The following IRAK4 variants were observed in gnomAD, a reference collection of about 807,000 sequenced individuals.
The protein encoded by IRAK4 is interleukin-1 receptor-associated kinase 4.
Under a neutral mutation model 51.8 loss-of-function variants are expected in IRAK4, and 44 were observed. The ratio of observed to expected loss-of-function variants is 0.85; its 90% CI spans 0.67 to 1.09. The LOEUF (loss-of-function observed/expected upper bound fraction) is 1.09. IRAK4 is among the 50% of genes least tolerant of loss of function. The probability of loss-of-function intolerance (pLI) is 0.00; values close to 1 mark genes in which losing one functional copy is unlikely to be tolerated. For missense variants in IRAK4, 487 were observed against 538.0 expected (o/e 0.91, Z 0.94); for synonymous variants, 149 against 174.1 (o/e 0.86, Z 1.13).
Position 43,763,940 on chromosome 12 carries a change from GT to G in IRAK4, c.-9-4156del, listed in dbSNP as rs1404488916. Among the ~76,000 whole-genome samples the G allele has an allele frequency of 3.3e-5, 5 of 151,870 alleles. No individual in the cohort carries two copies. In the East Asian group the frequency reaches 7.7e-4, roughly 23 times the overall value. The stretch of plus-strand genomic sequence containing the variant: ...AAGTCTCTGGTATGCTACCATCCTG[GT>G]TTTTTTCTTGCCTTCATGACTAAGC... On this transcript the variant is annotated intron_variant, in intron 1 of 11. Transcript: ENST00000613694.
chr12:43,763,727 CCT>C (rs4251438), intron 1 of IRAK4, among the ~76,000 whole-genome samples: 1,723 of 149,806 alleles, frequency 0.012, 36 homozygotes, highest in African/African-American at 0.039. Context: ...CCCTCATACT[CCT>C]CTCTCTCTCT....
intron 2 of IRAK4, among the ~76,000 whole-genome samples, chr12:43,770,113 G>A (rs1420545514): frequency 6.6e-6 from 1 of 152,004 alleles, no homozygotes; most frequent in Non-Finnish European, 1.5e-5. Flanking sequence ...AATCTTTAGA[G>A]GAAAAACAGA....
chr12:43,785,389 C>A (rs993701447), intron 10 of IRAK4, among the ~76,000 whole-genome samples: 1 of 151,540 alleles, frequency 6.6e-6, no homozygotes, highest in Admixed American at 6.6e-5. Context: ...ACCTTAGTAC[C>A]CATAGAGAAA....
At chr12:43,782,573 T>TAAGAGAGATA in intron 9 of IRAK4, 83 bp downstream of exon 9, 2 of 1,097,592 alleles carry the variant, frequency 1.8e-6, no homozygotes, top group Non-Finnish European at 2.7e-6. Flanking sequence ...AATACACCCA[T>TAAGAGAGATA]CTTGTTTATC....
rs1942307254 is a variant in IRAK4, at chr12:43,787,746, A to G, written c.*1031A>G. ...CTGTTCTGTGCTGGACTTCTAATAT[A>G]TAGAACTGTGAGATAATGGGTCACA... On this transcript the variant is annotated 3_prime_UTR_variant, in exon 12 of 12. Transcript: ENST00000613694. 6.6e-6 allele frequency: 1 copy of G among 152,220 alleles called. No homozygotes were observed. Among genetic ancestry groups the G allele is most frequent in the Non-Finnish European group, 1.5e-5 (1 of 68,088 alleles). 9.4% of individuals were successfully genotyped at this position (152,220 alleles called of 1,614,324 possible). A position where few individuals can be genotyped will look rare whatever the true frequency, so the allele number is the denominator to read the frequency against.
At chr12:43,782,600 A>G (rs1439291647) in intron 9 of IRAK4, 110 bp downstream of exon 9, 31 of 956,866 alleles carry the variant, frequency 3.2e-5, no homozygotes, top group African/African-American at 6.6e-5. Flanking sequence ...ATGTAACAAT[A>G]TAAGTTTTTC....
At chr12:43,770,547 C>T (rs527367999) in intron 2 of IRAK4, among the ~76,000 whole-genome samples, 1 of 152,262 alleles carries the variant, frequency 6.6e-6, no homozygotes, top group East Asian at 1.9e-4. Context: ...TGTGTGCATC[C>T]TATAACCCAC....
At chr12:43,768,382 A>G (rs749386017) in intron 2 of IRAK4, 110 bp downstream of exon 2, 53 of 766,464 alleles carry the variant, frequency 6.9e-5, no homozygotes, top group Non-Finnish European at 7.2e-5. Context: ...CCTCTCCACT[A>G]TGGAGGAGAC....
At position 43,771,300 on chromosome 12, in the gene IRAK4, T is replaced by C. The variant is rs997426295; in HGVS notation, c.242T>C (p.Val81Ala). The change falls in exon 3 of 12, where the codon GTT (valine) becomes GCT (alanine). Residue 81 changes from valine (V) to alanine (A), a missense_variant. Coordinates refer to ENST00000613694, the MANE Select transcript of IRAK4 (RefSeq NM_016123.4). ...LFDWGTTNCTVGDLVDLLIQN... is the reference protein window; with the variant it reads ...LFDWGTTNCTAGDLVDLLIQN... Reference sequence around the variant, plus strand: ...GACTGGGGCACCACAAATTGCACAGTTGGTGATCTTGTGGATCTTTTGATC... The same window carrying C: ...GACTGGGGCACCACAAATTGCACAGCTGGTGATCTTGTGGATCTTTTGATC... The C allele has an allele frequency of 6.2e-7, 1 of 1,613,990 alleles. No homozygotes were observed. The highest frequency in any genetic ancestry group is 8.5e-7 in the Non-Finnish European group (1 of 1,179,898).
intron 5 of IRAK4, among the ~76,000 whole-genome samples, chr12:43,773,639 GT>G (rs376099504): frequency 2.7e-5 from 4 of 150,136 alleles, no homozygotes; most frequent in Non-Finnish European, 3.0e-5. Context: ...CTTTTGTAGG[GT>G]TTTTTTTTCC....
chr12:43,777,576 T>C (rs1001659432), intron 6 of IRAK4, 54 bp from the exon 7 acceptor site: 38 of 1,499,772 alleles, frequency 2.5e-5, no homozygotes, highest in Non-Finnish European at 3.1e-5. Context: ...TTCCAACCTA[T>C]AGCTGAATAT....
Position 43,771,306 on chromosome 12 carries a change from A to G in IRAK4, c.248A>G (p.Asp83Gly), listed in dbSNP as rs770333429. ...DWGTTNCTVGDLVDLLIQNEF... is the reference protein window; with the variant it reads ...DWGTTNCTVGGLVDLLIQNEF... Reference sequence around the variant, plus strand: ...GGCACCACAAATTGCACAGTTGGTGATCTTGTGGATCTTTTGATCCAAAAT... The same window carrying G: ...GGCACCACAAATTGCACAGTTGGTGGTCTTGTGGATCTTTTGATCCAAAAT... Residue 83 changes from aspartate (D) to glycine (G), a missense_variant, in exon 3 of 12, where the codon GAT (aspartate) becomes GGT (glycine). Coordinates refer to ENST00000613694, the MANE Select transcript of IRAK4 (RefSeq NM_016123.4). 1 of 1,614,178 alleles carries G rather than the reference A, an allele frequency of 6.2e-7. No individual in the cohort carries two copies.
intron 1 of IRAK4, among the ~76,000 whole-genome samples, chr12:43,765,722 A>C (rs1940068809): frequency 6.6e-6 from 1 of 152,016 alleles, no homozygotes; most frequent in African/African-American, 2.4e-5. Flanking sequence ...GAGAATACTT[A>C]CATAATGAGC....
chr12:43,769,389 G>A (rs4251462), intron 2 of IRAK4, among the ~76,000 whole-genome samples: 2,275 of 152,308 alleles, frequency 0.015, 55 homozygotes, highest in African/African-American at 0.052. Context: ...GCTGAGCACA[G>A]TGGCTCATGC....
In IRAK4 at chr12:43,772,185, G is replaced by C. The variant is rs2137940611; in HGVS notation, c.313G>C (p.Val105Leu). The change falls in exon 4 of 12, where the codon GTT becomes CTT. Residue 105 changes from valine (V) to leucine (L), a missense_variant. Transcript: ENST00000613694. ...APASLLLPDA[V>L]PKTANTLPSK... ...TATCTTACTTCATTTGTTAGATGCT[G>C]TTCCCAAAACTGCTAATACACTACC... 2.5e-6 allele frequency: 4 copies of C among 1,612,630 alleles called. No individual in the cohort carries two copies. The highest frequency in any genetic ancestry group is 2.2e-5 in the East Asian group (1 of 44,862).
Position 43,772,250 on chromosome 12 carries a change from T to A in IRAK4, c.378T>A (p.Pro126=). 3.7e-6 allele frequency: 6 copies of A among 1,613,850 alleles called. No individual in the cohort carries two copies. The highest frequency in any genetic ancestry group is 4.2e-6 in the Non-Finnish European group (5 of 1,179,848). ...EAITVQQKQM[P]FCDKDRTLMT... ...TAACAGTTCAGCAAAAACAGATGCC[T>A]TTCTGTGACAAAGACAGGACATTGA... is the stretch of plus-strand genomic sequence containing the variant. The change falls in exon 4 of 12, where the codon CCT becomes CCA. Residue 126 remains proline (P), a synonymous_variant. Coordinates refer to ENST00000613694, the MANE Select transcript of IRAK4 (RefSeq NM_016123.4).
In IRAK4 at chr12:43,768,132, A is replaced by G. The variant is rs201400143; in HGVS notation, c.21A>G (p.Pro7=). The G allele has an allele frequency of 3.1e-6, 5 of 1,613,542 alleles. No individual in the cohort carries two copies. The highest frequency in any genetic ancestry group is 2.2e-5 in the East Asian group (1 of 44,840). ...AGAAGATGAACAAACCCATAACACCATCAACATATGTGCGCTGCCTCAATG... is the reference window on the plus strand; with the variant it reads ...AGAAGATGAACAAACCCATAACACCGTCAACATATGTGCGCTGCCTCAATG... MNKPIT[P]STYVRCLNVG... The change falls in exon 2 of 12, where the codon CCA becomes CCG. Residue 7 remains proline, a synonymous_variant. Transcript: ENST00000613694.
intron 10 of IRAK4, among the ~76,000 whole-genome samples, chr12:43,784,822 T>C (rs1942070833): frequency 2.6e-5 from 4 of 152,266 alleles, no homozygotes; most frequent in African/African-American, 9.6e-5. Flanking sequence ...ACAAGCACAG[T>C]TTTTAAAAAA....
chr12:43,779,615 A>G (rs1941600505), intron 8 of IRAK4, among the ~76,000 whole-genome samples: 1 of 152,216 alleles, frequency 6.6e-6, no homozygotes, highest in East Asian at 1.9e-4. Context: ...GCAGGGGTTC[A>G]GGAAGAGCGA....
Sources: allele counts gnomAD v4.1 joint callset (sites outside exome capture counted in the v4.1 genomes callset), GRCh38; gene constraint gnomAD v4.1.1; transcripts MANE v1.5; gene names NCBI Gene and HGNC (gene_info 2026-07-23, HGNC 2026-07-21).